LPL: variants seen among roughly 807,000 people sequenced by gnomAD.
LPL encodes phospholipase A1.
Under a neutral mutation model 52.2 loss-of-function variants are expected in LPL, and 43 were observed. That is an observed-to-expected ratio of 0.82 (90% CI 0.64 to 1.06). The LOEUF is 1.06. Among genes scored for constraint, LPL ranks in the 50% least tolerant of loss-of-function variants. The pLI is 0.00. For missense variants in LPL, 639 were observed against 585.3 expected, an observed-to-expected ratio of 1.09 and a Z score of -0.95; for synonymous variants, 244 against 215.6, an observed-to-expected ratio of 1.13 and a Z score of -1.15.
rs375053248 is a variant in LPL at position 19,939,679 on chromosome 8, G to A, written c.88+151G>A. On this transcript the variant is annotated intron_variant, in intron 1 of 9. Coordinates refer to ENST00000650287, the MANE Select transcript of LPL (RefSeq NM_000237.3). The surrounding 1 kb of genome is among the most constrained non-coding windows in gnomAD (Gnocchi z 4.0). ...GGGCTCTAGCCCCGAAACGGTCCCC[G>A]GAGTGGGATCCAGGAGGGGCCGGGA... is the stretch of plus-strand genomic sequence containing the variant. The A allele has an allele frequency of 7.1e-5, 56 of 783,338 alleles. No individual in the cohort carries two copies. The highest frequency in any genetic ancestry group is 6.0e-4 in the East Asian group (22 of 36,854). 48.5% of individuals were successfully genotyped at this position (783,338 alleles called of 1,614,324 possible). A position where few individuals can be genotyped will look rare whatever the true frequency, so the allele number is the denominator to read the frequency against.
chr8:19,950,103 A>G lies in LPL; in HGVS notation c.250-1666A>G, dbSNP rs1032878524. On this transcript the variant is annotated intron_variant, in intron 2 of 9. Transcript: ENST00000650287. This position sits in a 1 kb window ranked among gnomAD's most constrained non-coding sequence, Gnocchi z 4.2. ...ACATTTTGAGTGCTTGAGCACAGAG[A>G]CTGCTGTCTGGCTGTGGGACTGAGT... Among the ~76,000 whole-genome samples, 7 of 152,128 alleles carry G rather than the reference A, an allele frequency of 4.6e-5. No homozygotes were observed. Among genetic ancestry groups the G allele is most frequent in the African/African-American group, 1.7e-4 (7 of 41,440 alleles).
chr8:19,950,782 C>A lies in LPL; in HGVS notation c.250-987C>A, dbSNP rs752564830. Among the ~76,000 whole-genome samples, 3 of 150,202 alleles carry A rather than the reference C, an allele frequency of 2.0e-5. No individual in the cohort carries two copies. Among genetic ancestry groups the A allele is most frequent in the Non-Finnish European group, 4.4e-5 (3 of 67,796 alleles). The stretch of plus-strand genomic sequence containing the variant: ...TCATGCCACTGCACTCCAGCCTGGG[C>A]GAGACAGTAAGACTCTGCCAAAAGA... On this transcript the variant is annotated intron_variant, in intron 2 of 9. Transcript: ENST00000650287. The surrounding 1 kb of genome is among the most constrained non-coding windows in gnomAD (Gnocchi z 4.2).
In LPL at chr8:19,965,318, C is replaced by A. The variant is rs765034981; in HGVS notation, c.*8C>A. ...CCTGTGCTTTTTCTCAGAAACTGGGCGAATCTACAGAACAAAGAACGGCAT... is the reference window on the plus strand; with the variant it reads ...CCTGTGCTTTTTCTCAGAAACTGGGAGAATCTACAGAACAAAGAACGGCAT... On this transcript the variant is annotated 3_prime_UTR_variant, in exon 10 of 10. Transcript: ENST00000650287. 1.3e-6 allele frequency: 1 copy of A among 780,178 alleles called. No individual in the cohort carries two copies. Among genetic ancestry groups the A allele is most frequent in the Non-Finnish European group, 2.4e-6 (1 of 417,808 alleles). 48.3% of individuals were successfully genotyped at this position (780,178 alleles called of 1,614,324 possible).
At chr8:19,953,052 CTT>C (rs2069949259) in intron 3 of LPL, among the ~76,000 whole-genome samples, 2 of 151,936 alleles carry the variant, frequency 1.3e-5, no homozygotes, top group South Asian at 4.1e-4. Flanking sequence ...CATGGAAAAA[CTT>C]TGTAATTTAA....
Position 19,955,963 on chromosome 8 carries a change from G to C in LPL, c.898G>C (p.Gly300Arg), listed in dbSNP as rs1563576624. ...RCSSKEAFEK[G>R]LCLSCRKNRC... ...CAGTTCCAAGGAAGCCTTTGAGAAAGGGCTCTGCTTGAGTTGTAGAAAGAA... is the reference window on the plus strand; with the variant it reads ...CAGTTCCAAGGAAGCCTTTGAGAAACGGCTCTGCTTGAGTTGTAGAAAGAA... Residue 300 changes from glycine (G) to arginine (R), a missense_variant, in exon 6 of 10, where the codon GGG (glycine) becomes CGG (arginine). Coordinates refer to ENST00000650287, the MANE Select transcript of LPL (RefSeq NM_000237.3). 1 of 1,614,176 alleles carries C rather than the reference G, an allele frequency of 6.2e-7. No homozygotes were observed. The highest frequency in any genetic ancestry group is 8.5e-7 in the Non-Finnish European group (1 of 1,180,044).
rs140986245 is a variant in LPL, at chr8:19,955,851, G to A, written c.786G>A (p.Gln262=). Reference sequence around the variant, plus strand: ...CTCTTTTTTACCCAGATGTGGACCAGCTAGTGAAGTGCTCCCACGAGCGCT... The same window carrying A: ...CTCTTTTTTACCCAGATGTGGACCAACTAGTGAAGTGCTCCCACGAGCGCT... The part of the protein sequence containing the change: ...IAERGLGDVD[Q]LVKCSHERSI... Residue 262 remains glutamine, a synonymous_variant, in exon 6 of 10, where the codon CAG becomes CAA. Coordinates refer to ENST00000650287, the MANE Select transcript of LPL (RefSeq NM_000237.3). 2,029 of 1,614,144 alleles carry A rather than the reference G, an allele frequency of 1.3e-3. 3 individuals are homozygous for A. Among genetic ancestry groups the A allele is most frequent in the Non-Finnish European group, 1.6e-3 (1,865 of 1,180,030 alleles).
Position 19,955,870 on chromosome 8 carries a change from G to A in LPL, c.805G>A (p.Glu269Lys), listed in dbSNP as rs761886494. 1.1e-5 allele frequency: 17 copies of A among 1,613,992 alleles called. No individual in the cohort carries two copies. Among genetic ancestry groups the A allele is most frequent in the East Asian group, 4.5e-5 (2 of 44,888 alleles). The change falls in exon 6 of 10, where the codon GAG (glutamate) becomes AAG (lysine). Residue 269 changes from glutamate (E) to lysine (K), a missense_variant. Transcript: ENST00000650287. ...GGACCAGCTAGTGAAGTGCTCCCAC[G>A]AGCGCTCCATTCATCTCTTCATCGA... ...DVDQLVKCSH[E>K]RSIHLFIDSL...
In LPL at chr8:19,939,699, C is replaced by T. The variant is rs762058739; in HGVS notation, c.88+171C>T. Reference sequence around the variant, plus strand: ...TCCCCGGAGTGGGATCCAGGAGGGGCCGGGAGGGAATCTCCTCCCGATCGT... The same window carrying T: ...TCCCCGGAGTGGGATCCAGGAGGGGTCGGGAGGGAATCTCCTCCCGATCGT... On this transcript the variant is annotated intron_variant, in intron 1 of 9. Transcript: ENST00000650287. This position sits in a 1 kb window ranked among gnomAD's most constrained non-coding sequence, Gnocchi z 4.0. 2.0e-5 allele frequency among the ~76,000 whole-genome samples: 3 copies of T among 152,184 alleles called. No homozygotes were observed. Among genetic ancestry groups the T allele is most frequent in the Non-Finnish European group, 4.4e-5 (3 of 68,014 alleles).
chr8:19,959,715 G>C (rs979844476), intron 7 of LPL, among the ~76,000 whole-genome samples: 1 of 144,748 alleles, frequency 6.9e-6, no homozygotes, highest in Admixed American at 7.0e-5. Context: ...CCACTCTATA[G>C]ATGTACATAT....
At chr8:19,942,350 T>C (rs1269755130) in intron 1 of LPL, among the ~76,000 whole-genome samples, 1 of 152,182 alleles carries the variant, frequency 6.6e-6, no homozygotes, top group East Asian at 1.9e-4. Context: ...GCCATCAAAA[T>C]GATGGTTGGT....
intron 7 of LPL, among the ~76,000 whole-genome samples, chr8:19,960,682 T>C (rs1377368833): frequency 6.6e-6 from 1 of 152,240 alleles, no homozygotes; most frequent in Non-Finnish European, 1.5e-5. Flanking sequence ...TTGTATTAAA[T>C]AGTTCATGTC....
intron 1 of LPL, among the ~76,000 whole-genome samples, chr8:19,942,771 C>A (rs893410588): frequency 6.6e-6 from 1 of 152,168 alleles, no homozygotes; most frequent in Admixed American, 6.5e-5. Flanking sequence ...AGTTTGCTGT[C>A]TTGTGGCCAT....
Position 19,960,935 on chromosome 8 carries a change from C to G in LPL, c.1174C>G (p.Leu392Val), listed in dbSNP as rs118204078. 1 of 1,613,976 alleles carries G rather than the reference C, an allele frequency of 6.2e-7. No individual in the cohort carries two copies. Among genetic ancestry groups the G allele is most frequent in the Non-Finnish European group, 8.5e-7 (1 of 1,179,930 alleles). Residue 392 changes from leucine to valine, a missense_variant, in exon 8 of 10, where the codon CTA (leucine) becomes GTA (valine). Leu to Val is a conservative substitution (Grantham distance 32). Transcript: ENST00000650287. ...EVSTNKTYSF[L>V]IYTEVDIGEL... ...TTCCACAAATAAGACCTACTCCTTC[C>G]TAATTTACACAGAGGTAGATATTGG...
rs574624883 is a variant in LPL at position 19,943,347 on chromosome 8, AT to A, written c.88+3820del. Among the ~76,000 whole-genome samples, 7 of 152,342 alleles carry A rather than the reference AT, an allele frequency of 4.6e-5. No homozygotes were observed. The South Asian group carries it at 1.4e-3, about 32-fold the overall frequency. On this transcript the variant is annotated intron_variant, in intron 1 of 9. Coordinates refer to ENST00000650287, the MANE Select transcript of LPL (RefSeq NM_000237.3). ...ACAGCCCTTCATTCAAGATACAGCT[AT>A]CATGACATCAATAATGTACCTTTGA... is the stretch of plus-strand genomic sequence containing the variant.
chr8:19,948,280 C>A lies in LPL; in HGVS notation c.189C>A (p.Ser63=). 1 of 1,614,090 alleles carries A rather than the reference C, an allele frequency of 6.2e-7. No homozygotes were observed. Among genetic ancestry groups the A allele is most frequent in the South Asian group, 1.1e-5 (1 of 91,070 alleles). The change falls in exon 2 of 10, where the codon TCC becomes TCA. Residue 63 remains serine (S), a synonymous_variant. Coordinates refer to ENST00000650287, the MANE Select transcript of LPL (RefSeq NM_000237.3). ...TCHLIPGVAE[S]VATCHFNHSS... Reference sequence around the variant, plus strand: ...ACCTCATTCCCGGAGTAGCAGAGTCCGTGGCTACCTGTCATTTCAATCACA... The same window carrying A: ...ACCTCATTCCCGGAGTAGCAGAGTCAGTGGCTACCTGTCATTTCAATCACA...
chr8:19,958,169 C>T (rs2070004345), intron 6 of LPL, among the ~76,000 whole-genome samples: 2 of 152,150 alleles, frequency 1.3e-5, no homozygotes, highest in East Asian at 3.9e-4. Context: ...CAGGCACCCG[C>T]CACCACGCCC....
At chr8:19,953,873 T>G (rs1279490469) in intron 4 of LPL, among the ~76,000 whole-genome samples, 6 of 152,182 alleles carry the variant, frequency 3.9e-5, no homozygotes, top group African/African-American at 1.4e-4. Context: ...AGAAATAATC[T>G]ACAAAAGGAA....
intron 8 of LPL, among the ~76,000 whole-genome samples, chr8:19,961,357 A>G (rs2070037796): frequency 6.6e-6 from 1 of 152,118 alleles, no homozygotes; most frequent in Admixed American, 6.6e-5. Flanking sequence ...ATTAGAAGTC[A>G]GGAATCTCAG....
chr8:19,944,588 T>A lies in LPL; in HGVS notation c.89-3592T>A, dbSNP rs2128836195. Among the ~76,000 whole-genome samples the A allele has an allele frequency of 6.6e-6, 1 of 152,332 alleles. No homozygotes were observed. The highest frequency in any genetic ancestry group is 1.5e-5 in the Non-Finnish European group (1 of 68,022). ...TCACGTGATGACTTTGATCTGCCTT[T>A]AAAGCACCATCTGCTGCTTTCCTGG... is the stretch of plus-strand genomic sequence containing the variant. On this transcript the variant is annotated intron_variant, in intron 1 of 9. Transcript: ENST00000650287. This position sits in a 1 kb window ranked among gnomAD's most constrained non-coding sequence, Gnocchi z 4.2.
Sources: allele counts gnomAD v4.1 joint callset (sites outside exome capture counted in the v4.1 genomes callset), GRCh38; gene constraint gnomAD v4.1.1; non-coding constraint Gnocchi (gnomAD v3.1); transcripts MANE v1.5; gene names NCBI Gene and HGNC (gene_info 2026-07-23, HGNC 2026-07-21).